TRIM26: variants seen among roughly 807,000 people sequenced by gnomAD.
TRIM26 encodes the protein tripartite motif-containing protein 26.
A neutral mutation model predicts 45.5 loss-of-function variants in TRIM26; 16 were observed. That is an observed-to-expected ratio of 0.35 (90% CI 0.24 to 0.53). The LOEUF (loss-of-function observed/expected upper bound fraction) is 0.53. Among genes scored for constraint, TRIM26 ranks in the 20% least tolerant of loss-of-function variants. The probability of loss-of-function intolerance (pLI) is 0.92; values close to 1 mark genes in which losing one functional copy is unlikely to be tolerated. For synonymous variants in TRIM26, 273 were observed against 290.4 expected, an observed-to-expected ratio of 0.94 and a Z score of 0.61; for missense variants, 442 against 691.1, an observed-to-expected ratio of 0.64 and a Z score of 4.04.
Position 30,185,758 on chromosome 6 carries a change from G to A in TRIM26, c.*118C>T. 1 of 1,172,432 alleles carries A rather than the reference G, an allele frequency of 8.5e-7. No individual in the cohort carries two copies. Among genetic ancestry groups the A allele is most frequent in the Middle Eastern group, 2.0e-4 (1 of 5,004 alleles). The allele number at this position is 1,172,432 out of a possible 1,614,324, so 72.6% of individuals were successfully genotyped here. A position where few individuals can be genotyped will look rare whatever the true frequency, so the allele number is the denominator to read the frequency against. ...AGCAATGGGGAGGTGGCTACCAGTGGATATGGGGTCCCCTGCTCCAGGTGC... is the reference window on the plus strand; with the variant it reads ...AGCAATGGGGAGGTGGCTACCAGTGAATATGGGGTCCCCTGCTCCAGGTGC... On this transcript the variant is annotated 3_prime_UTR_variant, in exon 10 of 10. Coordinates refer to ENST00000454678, the MANE Select transcript of TRIM26 (RefSeq NM_003449.5). The surrounding 1 kb of genome is among the most constrained non-coding windows in gnomAD (Gnocchi z 5.7).
chr6:30,187,468 C>T (rs1775307634), intron 9 of TRIM26: 2 of 522,658 alleles, frequency 3.8e-6, no homozygotes, highest in East Asian at 5.5e-5. Context: ...GGTACAAATG[C>T]ATGAAATTGT....
Position 30,199,175 on chromosome 6 carries a change from C to G in TRIM26, c.-72G>C. On this transcript the variant is annotated 5_prime_UTR_variant, in exon 4 of 10. Coordinates refer to ENST00000454678, the MANE Select transcript of TRIM26 (RefSeq NM_003449.5). ...TCTCCTTGGAGACGCGACATAGAGTCAGGAGCAAGCACAGTAAAGGGGCAA... is the reference window on the plus strand; with the variant it reads ...TCTCCTTGGAGACGCGACATAGAGTGAGGAGCAAGCACAGTAAAGGGGCAA... The G allele has an allele frequency of 2.0e-6, 3 of 1,463,828 alleles. No homozygotes were observed. The highest frequency in any genetic ancestry group is 2.7e-6 in the Non-Finnish European group (3 of 1,095,468). The allele number at this position is 1,463,828 out of a possible 1,614,324, so 90.7% of individuals were successfully genotyped here. A position where few individuals can be genotyped will look rare whatever the true frequency, so the allele number is the denominator to read the frequency against.
In TRIM26 at chr6:30,185,767, TC is replaced by T; in HGVS notation, c.*108del. On this transcript the variant is annotated 3_prime_UTR_variant, in exon 10 of 10. Transcript: ENST00000454678. The surrounding 1 kb of genome is among the most constrained non-coding windows in gnomAD (Gnocchi z 5.7). ...GAGGTGGCTACCAGTGGATATGGGG[TC>T]CCCTGCTCCAGGTGCTTAGGCCAGG... 7.9e-7 allele frequency: 1 copy of T among 1,271,620 alleles called. No homozygotes were observed. The allele number at this position is 1,271,620 out of a possible 1,614,324, so 78.8% of individuals were successfully genotyped here.
chr6:30,191,107 A>G (rs1474677044), intron 6 of TRIM26, among the ~76,000 whole-genome samples: 1 of 152,132 alleles, frequency 6.6e-6, no homozygotes. Context: ...GAGAGAAGCA[A>G]TACATTCCAG....
chr6:30,193,778 T>C (rs1401502826), intron 6 of TRIM26, among the ~76,000 whole-genome samples: 1 of 152,176 alleles, frequency 6.6e-6, no homozygotes, highest in Non-Finnish European at 1.5e-5. Flanking sequence ...ATTAAAGAGG[T>C]CTTTCACCTC....
rs1409430990 is a variant in TRIM26 at position 30,185,964 on chromosome 6, A to G, written c.1532T>C (p.Ile511Thr). ...GGTGAAGGTGGCAGTGAAGGTGTAG[A>G]TGAGTTCCTGTGACTCTGCGTTGGT... is the stretch of plus-strand genomic sequence containing the variant. The part of the protein sequence containing the change: ...TFTNAESQEL[I>T]YTFTATFTRR... The change falls in exon 10 of 10, where the codon ATC becomes ACC. Residue 511 changes from isoleucine (I) to threonine (T), a missense_variant. Ile to Thr is a moderately conservative substitution (Grantham distance 89, BLOSUM62 -1). Transcript: ENST00000454678. The surrounding 1 kb of genome is among the most constrained non-coding windows in gnomAD (Gnocchi z 5.7). 1.2e-6 allele frequency: 2 copies of G among 1,613,004 alleles called. No homozygotes were observed. Among genetic ancestry groups the G allele is most frequent in the Admixed American group, 3.3e-5 (2 of 60,022 alleles).
In TRIM26 at chr6:30,186,221, TTCTTCC is replaced by T. The variant is rs748791008; in HGVS notation, c.1269_1274del (p.Glu431_Glu432del). On this transcript the variant is annotated inframe_deletion, in exon 10 of 10. Transcript: ENST00000454678. This position sits in a 1 kb window ranked among gnomAD's most constrained non-coding sequence, Gnocchi z 7.4. Reference sequence around the variant, plus strand: ...GAACTTCCTCCTCTTCCTCCTCCTCTTCTTCCTCTTCATCGCCCAACGATTCCTCAT... The same window carrying T: ...GAACTTCCTCCTCTTCCTCCTCCTCTTCTTCATCGCCCAACGATTCCTCAT... 18 of 1,597,582 alleles carry T rather than the reference TTCTTCC, an allele frequency of 1.1e-5. No individual in the cohort carries two copies. Among genetic ancestry groups the T allele is most frequent in the Non-Finnish European group, 1.5e-5 (17 of 1,171,790 alleles).
At position 30,207,136 on chromosome 6, in the gene TRIM26, A is replaced by G. The variant is rs1368978401; in HGVS notation, c.-375-2371T>C. 6.6e-6 allele frequency among the ~76,000 whole-genome samples: 1 copy of G among 152,208 alleles called. No individual in the cohort carries two copies. Among genetic ancestry groups the G allele is most frequent in the Non-Finnish European group, 1.5e-5 (1 of 68,020 alleles). On this transcript the variant is annotated intron_variant, in intron 1 of 9. Coordinates refer to ENST00000454678, the MANE Select transcript of TRIM26 (RefSeq NM_003449.5). The surrounding 1 kb of genome is among the most constrained non-coding windows in gnomAD (Gnocchi z 4.9). ...GCCACAGGTGGAGTGCAGTGAGGCGAGCAGAGGAAGGGTGGAGAAACAGGA... is the reference window on the plus strand; with the variant it reads ...GCCACAGGTGGAGTGCAGTGAGGCGGGCAGAGGAAGGGTGGAGAAACAGGA...
chr6:30,195,575 CAAT>C (rs1187770202), intron 6 of TRIM26, among the ~76,000 whole-genome samples: 7 of 152,200 alleles, frequency 4.6e-5, no homozygotes, highest in Admixed American at 2.6e-4. Context: ...GAATTCACAA[CAAT>C]GAGGAGCAGG....
intron 6 of TRIM26, among the ~76,000 whole-genome samples, chr6:30,193,476 G>A (rs1177764048): frequency 6.6e-6 from 1 of 151,768 alleles, no homozygotes; most frequent in Non-Finnish European, 1.5e-5. Context: ...CACCACAACT[G>A]GCTGTAGTAT....
chr6:30,189,807 G>T lies in TRIM26; in HGVS notation c.788+206C>A. On this transcript the variant is annotated intron_variant, in intron 7 of 9. Transcript: ENST00000454678. The surrounding 1 kb of genome is among the most constrained non-coding windows in gnomAD (Gnocchi z 5.0). ...ATAAGGCCAGTGGGCCAAGGAGCTG[G>T]GGCTACACAGAGAACCATAAGGAGG... The T allele has an allele frequency of 1.5e-6, 1 of 648,912 alleles. No homozygotes were observed. The allele number at this position is 648,912 out of a possible 1,614,324, so 40.2% of individuals were successfully genotyped here.
intron 3 of TRIM26, among the ~76,000 whole-genome samples, chr6:30,200,663 G>T (rs1777073092): frequency 6.6e-6 from 1 of 152,214 alleles, no homozygotes; most frequent in Admixed American, 6.5e-5. Flanking sequence ...CCAGTTCCAG[G>T]CTGAGGTTAT....
Position 30,198,665 on chromosome 6 carries a change from C to T in TRIM26, c.438+1G>A, listed in dbSNP as rs1202812473. On this transcript the variant is annotated splice_donor_variant, in intron 4 of 9. Transcript: ENST00000454678. LOFTEE classifies it high-confidence loss of function. This position sits in a 1 kb window ranked among gnomAD's most constrained non-coding sequence, Gnocchi z 6.3. ...CACCCTCGGGGGTGAAGAGGGCTTA[C>T]CCTGTGGGGCTGGGCGGCCTTCTCC... 1.2e-6 allele frequency: 2 copies of T among 1,604,444 alleles called. No homozygotes were observed. The highest frequency in any genetic ancestry group is 1.7e-6 in the Non-Finnish European group (2 of 1,177,908).
At position 30,196,931 on chromosome 6, in the gene TRIM26, T is replaced by G. The variant is rs1776542961; in HGVS notation, c.535-185A>C. Among the ~76,000 whole-genome samples, 1 of 152,146 alleles carries G rather than the reference T, an allele frequency of 6.6e-6. No homozygotes were observed. Among genetic ancestry groups the G allele is most frequent in the Non-Finnish European group, 1.5e-5 (1 of 68,012 alleles). On this transcript the variant is annotated intron_variant, in intron 5 of 9. Transcript: ENST00000454678. This position sits in a 1 kb window ranked among gnomAD's most constrained non-coding sequence, Gnocchi z 4.9. ...CTCCGCTTCTCAAAGAAGACTCCAGTAATGAATTAGTTCAGTTCACCCCAC... is the reference window on the plus strand; with the variant it reads ...CTCCGCTTCTCAAAGAAGACTCCAGGAATGAATTAGTTCAGTTCACCCCAC...
intron 1 of TRIM26, among the ~76,000 whole-genome samples, chr6:30,205,534 T>C (rs995945730): frequency 1.1e-4 from 16 of 152,146 alleles, no homozygotes; most frequent in South Asian, 2.1e-4. Context: ...ATAATCACTA[T>C]GAGCTACAAA....
At position 30,185,660 on chromosome 6, in the gene TRIM26, C is replaced by G; in HGVS notation, c.*216G>C. 1 of 589,866 alleles carries G rather than the reference C, an allele frequency of 1.7e-6. No individual in the cohort carries two copies. Among genetic ancestry groups the G allele is most frequent in the Non-Finnish European group, 2.9e-6 (1 of 341,824 alleles). 36.5% of individuals were successfully genotyped at this position (589,866 alleles called of 1,614,324 possible). On this transcript the variant is annotated 3_prime_UTR_variant, in exon 10 of 10. Coordinates refer to ENST00000454678, the MANE Select transcript of TRIM26 (RefSeq NM_003449.5). The surrounding 1 kb of genome is among the most constrained non-coding windows in gnomAD (Gnocchi z 5.7). ...GTCAGAAGTTCCCTCGGGAAACCAG[C>G]AGGAGGTGGGAAAAGAGCCCCATTA...
At chr6:30,193,077 T>C (rs1053247638) in intron 6 of TRIM26, among the ~76,000 whole-genome samples, 2 of 136,882 alleles carry the variant, frequency 1.5e-5, no homozygotes, top group African/African-American at 2.8e-5. Context: ...TATATATATA[T>C]GTATATATAC....
At chr6:30,194,892 T>C (rs2127499836) in intron 6 of TRIM26, among the ~76,000 whole-genome samples, 1 of 152,112 alleles carries the variant, frequency 6.6e-6, no homozygotes, top group South Asian at 2.1e-4. Context: ...CGAGACTCTG[T>C]CTCAAAAATA....
At position 30,186,796 on chromosome 6, in the gene TRIM26, G is replaced by C; in HGVS notation, c.938-238C>G. On this transcript the variant is annotated intron_variant, in intron 9 of 9. Transcript: ENST00000454678. The surrounding 1 kb of genome is among the most constrained non-coding windows in gnomAD (Gnocchi z 7.4). Reference sequence around the variant, plus strand: ...AACATGATATACTGAAATTTAACTTGACTGTTTTCGCTTACGCTCTGATTC... The same window carrying C: ...AACATGATATACTGAAATTTAACTTCACTGTTTTCGCTTACGCTCTGATTC... The C allele has an allele frequency of 9.1e-7, 1 of 1,098,096 alleles. No individual in the cohort carries two copies. Among genetic ancestry groups the C allele is most frequent in the Non-Finnish European group, 1.4e-6 (1 of 735,690 alleles). 68.0% of individuals were successfully genotyped at this position (1,098,096 alleles called of 1,614,324 possible).
Sources: gnomAD v4.1 joint callset for allele counts (sites outside exome capture counted in the v4.1 genomes callset) on GRCh38, gnomAD v4.1.1 for gene constraint, Gnocchi (gnomAD v3.1) non-coding constraint, MANE v1.5 for transcripts, NCBI Gene and HGNC (gene_info 2026-07-23, HGNC 2026-07-21) for gene names.